RIMKLB: variants seen among roughly 807,000 people sequenced by gnomAD.
RIMKLB encodes beta-citrylglutamate synthase B.
RIMKLB carries 7 observed loss-of-function variants against 32.0 expected under a neutral mutation model. That is an observed-to-expected ratio of 0.22 (90% CI 0.12 to 0.41). The LOEUF is 0.41. RIMKLB is among the 10% of genes least tolerant of loss of function. The probability of loss-of-function intolerance (pLI) is 1.00; values close to 1 mark genes in which losing one functional copy is unlikely to be tolerated. For missense variants in RIMKLB, 289 were observed against 498.7 expected, an observed-to-expected ratio of 0.58 and a Z score of 4.00; for synonymous variants, 172 against 185.1, an observed-to-expected ratio of 0.93 and a Z score of 0.57.
chr12:8,738,896 T>A (rs921840538), intron 2 of RIMKLB, among the ~76,000 whole-genome samples: 3 of 152,216 alleles, frequency 2.0e-5, no homozygotes, highest in African/African-American at 7.2e-5. Flanking sequence ...TCAGAACATT[T>A]AAGAGATCTT....
intron 5 of RIMKLB, among the ~76,000 whole-genome samples, chr12:8,762,943 T>A (rs1949653751): frequency 6.6e-6 from 1 of 152,202 alleles, no homozygotes; most frequent in African/African-American, 2.4e-5. Context: ...CTTTTTTTTA[T>A]TGTCTGGAAG....
At chr12:8,725,274 C>CTT (rs772644778) in intron 2 of RIMKLB, among the ~76,000 whole-genome samples, 177 of 151,918 alleles carry the variant, frequency 1.2e-3, no homozygotes, top group African/African-American at 4.1e-3. Flanking sequence ...GCTCTACTTT[C>CTT]TTTTTTTTAT....
upstream of RIMKLB, among the ~76,000 whole-genome samples, chr12:8,696,903 G>A (rs1335706244): frequency 6.6e-6 from 1 of 152,148 alleles, no homozygotes; most frequent in East Asian, 1.9e-4. Flanking sequence ...TGGTGTCTCT[G>A]GTGACTGAAG....
chr12:8,674,854 G>A, the RIMKLB span, among the ~76,000 whole-genome samples: 2 of 145,038 alleles, frequency 1.4e-5, no homozygotes, highest in African/African-American at 5.1e-5. Flanking sequence ...CCAGCCTTTT[G>A]TCACAATTCT....
chr12:8,713,556 C>T (rs1050051244), intron 1 of RIMKLB, among the ~76,000 whole-genome samples: 3 of 152,026 alleles, frequency 2.0e-5, no homozygotes, highest in African/African-American at 7.2e-5. Flanking sequence ...TGCTAAGTGA[C>T]GAGCTACAGT....
chr12:8,745,306 G>A (rs974583003), intron 2 of RIMKLB, among the ~76,000 whole-genome samples: 1 of 151,232 alleles, frequency 6.6e-6, no homozygotes, highest in African/African-American at 2.4e-5. Context: ...TCTTCTCCTG[G>A]CTCTTATTGA....
At chr12:8,699,707 T>G (rs1370014786) in intron 1 of RIMKLB, 2 of 152,238 alleles carry the variant, frequency 1.3e-5, no homozygotes, top group African/African-American at 4.8e-5. Flanking sequence ...AGTTGTTAGT[T>G]TGGCAACATG....
intron 2 of RIMKLB, among the ~76,000 whole-genome samples, chr12:8,721,598 C>T (rs2137097172): frequency 6.6e-6 from 1 of 152,312 alleles, no homozygotes; most frequent in Middle Eastern, 3.4e-3. Context: ...TTATAGCTCT[C>T]TTGCCATCTC....
At chr12:8,731,168 C>G (rs1946507089) in intron 2 of RIMKLB, among the ~76,000 whole-genome samples, 1 of 152,146 alleles carries the variant, frequency 6.6e-6, no homozygotes, top group Admixed American at 6.5e-5. Flanking sequence ...GCAATCTCGG[C>G]TCACTGCAAC....
At position 8,686,572 on chromosome 12, in the gene RIMKLB, C is replaced by T. The variant is rs1170266651; in HGVS notation, n.219+4754C>T. On this transcript the variant is annotated intron_variant and non_coding_transcript_variant, in intron 1 of 1. Coordinates refer to the RIMKLB transcript ENST00000538758. ...TCGGCTCACTGCAAGCTCCGCCTCCCGGATTCATGCCATTCTCCTGCCTCA... is the reference window on the plus strand; with the variant it reads ...TCGGCTCACTGCAAGCTCCGCCTCCTGGATTCATGCCATTCTCCTGCCTCA... 3.3e-5 allele frequency among the ~76,000 whole-genome samples: 5 copies of T among 152,136 alleles called. No homozygotes were observed. The East Asian group carries it at 7.8e-4, about 24-fold the overall frequency.
chr12:8,775,798 G>A lies in RIMKLB; in HGVS notation c.*2014G>A. ...GTGTCTCATTTCACCTCAGAGAAAA[G>A]GATACATAAGAGGAGTTTGTAATTT... On this transcript the variant is annotated 3_prime_UTR_variant, in exon 6 of 6. Transcript: ENST00000535829. 1 of 985,240 alleles carries A rather than the reference G, an allele frequency of 1.0e-6. No individual in the cohort carries two copies. Among genetic ancestry groups the A allele is most frequent in the Non-Finnish European group, 1.2e-6 (1 of 829,570 alleles). 61.0% of individuals were successfully genotyped at this position (985,240 alleles called of 1,614,324 possible). A position where few individuals can be genotyped will look rare whatever the true frequency, so the allele number is the denominator to read the frequency against.
At chr12:8,671,818 T>G in the RIMKLB span, among the ~76,000 whole-genome samples, 2 of 151,914 alleles carry the variant, frequency 1.3e-5, no homozygotes, top group Admixed American at 1.3e-4. Context: ...GAGGCTGAGA[T>G]GGAGAATTGC....
At chr12:8,718,605 T>C (rs762689599) in intron 2 of RIMKLB, among the ~76,000 whole-genome samples, 3 of 151,612 alleles carry the variant, frequency 2.0e-5, no homozygotes, top group Non-Finnish European at 2.9e-5. Context: ...ATAGCACCAT[T>C]ACACTCTAGT....
chr12:8,707,788 G>A (rs1453383552), intron 1 of RIMKLB, among the ~76,000 whole-genome samples: 1 of 152,174 alleles, frequency 6.6e-6, no homozygotes, highest in African/African-American at 2.4e-5. Context: ...CCAGGAAACA[G>A]GGTTGAAGAC....
At position 8,771,683 on chromosome 12, in the gene RIMKLB, G is replaced by C. The variant is rs760157651; in HGVS notation, c.698-1638G>C. 6.6e-5 allele frequency among the ~76,000 whole-genome samples: 10 copies of C among 151,640 alleles called. No homozygotes were observed. The East Asian group carries it at 1.4e-3, about 21-fold the overall frequency. ...ATTCTTTGTAAATTTTTTTAGTGGC[G>C]CTCACATTTTATTGGGATTTTGTAG... is the stretch of plus-strand genomic sequence containing the variant. On this transcript the variant is annotated intron_variant, in intron 5 of 5. Coordinates refer to ENST00000535829, the MANE Select transcript of RIMKLB (RefSeq NM_001297776.2).
chr12:8,768,757 C>T (rs756592967), intron 5 of RIMKLB, among the ~76,000 whole-genome samples: 21 of 152,168 alleles, frequency 1.4e-4, no homozygotes, highest in East Asian at 3.9e-4. Flanking sequence ...CTTCTGGGGG[C>T]GGTTTTGGAA....
chr12:8,775,528 G>A lies in RIMKLB; in HGVS notation c.*1744G>A. 1 of 985,656 alleles carries A rather than the reference G, an allele frequency of 1.0e-6. No individual in the cohort carries two copies. The highest frequency in any genetic ancestry group is 6.2e-5 in the Admixed American group (1 of 16,260). 61.1% of individuals were successfully genotyped at this position (985,656 alleles called of 1,614,324 possible). ...CCAAGCCCTTTCTTGCCTCTCCAGT[G>A]CTATTTTCCTTCAGATGGACCTTAA... On this transcript the variant is annotated 3_prime_UTR_variant, in exon 6 of 6. Transcript: ENST00000535829.
At chr12:8,777,865 T>C (rs1279526073), downstream of RIMKLB, 3 of 247,408 alleles carry the variant, frequency 1.2e-5, no homozygotes, top group Non-Finnish European at 2.1e-5. Context: ...TAAAACTTCC[T>C]TTCTTTACGT....
At chr12:8,737,903 G>A (rs184589801) in intron 2 of RIMKLB, among the ~76,000 whole-genome samples, 122 of 152,146 alleles carry the variant, frequency 8.0e-4, no homozygotes, top group African/African-American at 2.7e-3. Flanking sequence ...TAGTAGAGAC[G>A]GAGTTTCTCC....
Sources: gnomAD v4.1 joint callset for allele counts (sites outside exome capture counted in the v4.1 genomes callset) on GRCh38, gnomAD v4.1.1 for gene constraint, MANE v1.5 for transcripts, NCBI Gene and HGNC (gene_info 2026-07-23, HGNC 2026-07-21) for gene names.